Variants in RBFOX1 observed in about 807,000 individuals in gnomAD.
RBFOX1 encodes RNA binding protein fox-1 homolog 1.
RBFOX1 carries 8 observed loss-of-function variants against 57.7 expected under a neutral mutation model. That is an observed-to-expected ratio of 0.14 (90% CI 0.08 to 0.25). RBFOX1 has a LOEUF of 0.25. Ranked by LOEUF, RBFOX1 falls within the 10% of genes least tolerant of loss-of-function variation. RBFOX1 has a pLI of 1.00. For synonymous variants in RBFOX1, 326 were observed against 222.4 expected (o/e 1.47, Z -4.15); for missense variants, 611 against 548.5 (o/e 1.11, Z -1.14).
At chr16:5,245,243 C>G (rs1056302251) in intron 1 of RBFOX1, among the ~76,000 whole-genome samples, 2 of 152,112 alleles carry the variant, frequency 1.3e-5, no homozygotes, top group African/African-American at 4.8e-5. Context: ...ACTTACGGAC[C>G]TATCAGGTAC....
At chr16:6,857,110 T>C (rs1471386920) in intron 3 of RBFOX1, among the ~76,000 whole-genome samples, 1 of 152,292 alleles carries the variant, frequency 6.6e-6, no homozygotes, top group Admixed American at 6.5e-5. Flanking sequence ...TCAAAAACCC[T>C]GACACAAATC....
chr16:7,370,453 A>G (rs1025276190), intron 4 of RBFOX1, among the ~76,000 whole-genome samples: 2 of 152,178 alleles, frequency 1.3e-5, no homozygotes, highest in African/African-American at 2.4e-5. Context: ...GTATTTGTCA[A>G]TCAAAGCGAT....
intron 1 of RBFOX1, among the ~76,000 whole-genome samples, chr16:5,313,498 G>C (rs1026813168): frequency 1.3e-5 from 2 of 152,090 alleles, no homozygotes; most frequent in African/African-American, 4.8e-5. Context: ...TGACTTACAA[G>C]AAGACTGTAT....
At chr16:5,897,691 C>T (rs2058201663) in intron 4 of RBFOX1, among the ~76,000 whole-genome samples, 1 of 152,178 alleles carries the variant, frequency 6.6e-6, no homozygotes, top group African/African-American at 2.4e-5. Context: ...TGCCTGCAAG[C>T]TTCTCCAGAG....
chr16:7,025,671 C>A (rs1487610662), intron 3 of RBFOX1, among the ~76,000 whole-genome samples: 3 of 152,100 alleles, frequency 2.0e-5, no homozygotes, highest in Non-Finnish European at 2.9e-5. Context: ...ATCAGGGGTG[C>A]TGGAGAAGGC....
intron 3 of RBFOX1, among the ~76,000 whole-genome samples, chr16:5,656,205 C>G (rs2049425290): frequency 1.3e-5 from 2 of 152,062 alleles, no homozygotes; most frequent in South Asian, 4.2e-4. Flanking sequence ...TTTGGACTTC[C>G]TATAGTTTTG....
chr16:6,267,035 T>A (rs1276442488), intron 1 of RBFOX1, among the ~76,000 whole-genome samples: 1 of 152,176 alleles, frequency 6.6e-6, no homozygotes, highest in Non-Finnish European at 1.5e-5. Context: ...TTTGATGGGA[T>A]AGGTTCTAGT....
In RBFOX1 at chr16:5,995,524, G is replaced by A. The variant is rs111510273; in HGVS notation, c.351+128189G>A. 1.4e-3 allele frequency among the ~76,000 whole-genome samples: 209 copies of A among 152,310 alleles called. 1 individual carries two copies. The highest frequency in any genetic ancestry group is 5.0e-3 in the African/African-American group (206 of 41,574). ...ATGATTATTATGCCAAGTGGAATAA[G>A]GATACAGAAATGTGAGAGGGGACAA... On this transcript the variant is annotated intron_variant, in intron 4 of 19. Coordinates refer to the RBFOX1 transcript ENST00000641259.
intron 3 of RBFOX1, among the ~76,000 whole-genome samples, chr16:5,850,166 A>T (rs1458037231): frequency 1.3e-5 from 2 of 152,122 alleles, no homozygotes; most frequent in Non-Finnish European, 2.9e-5. Flanking sequence ...TTAACTGGTT[A>T]ATTGATGTTA....
intron 4 of RBFOX1, among the ~76,000 whole-genome samples, chr16:7,218,885 G>C (rs1024704394): frequency 6.6e-6 from 1 of 151,986 alleles, no homozygotes; most frequent in Admixed American, 6.6e-5. Context: ...TCGATGCATC[G>C]CATGCAGTTA....
At chr16:5,862,083 C>T (rs977992815) in intron 3 of RBFOX1, among the ~76,000 whole-genome samples, 1 of 152,212 alleles carries the variant, frequency 6.6e-6, no homozygotes, top group African/African-American at 2.4e-5. Flanking sequence ...GTGTGTCATT[C>T]ATTTCATACG....
intron 4 of RBFOX1, among the ~76,000 whole-genome samples, chr16:7,388,923 C>A (rs1467047215): frequency 6.6e-6 from 1 of 151,948 alleles, no homozygotes; most frequent in Non-Finnish European, 1.5e-5. Context: ...GGGACATAAC[C>A]ATATCATAAG....
intron 3 of RBFOX1, among the ~76,000 whole-genome samples, chr16:6,946,377 G>T (rs2079524085): frequency 6.6e-6 from 1 of 152,154 alleles, no homozygotes; most frequent in Non-Finnish European, 1.5e-5. Flanking sequence ...GGCCTATATT[G>T]CTTATCTGTG....
chr16:7,345,365 C>T (rs1351398573), intron 4 of RBFOX1, among the ~76,000 whole-genome samples: 1 of 152,132 alleles, frequency 6.6e-6, no homozygotes, highest in Non-Finnish European at 1.5e-5. Context: ...TGACATGGAC[C>T]GTCCGATGAC....
chr16:6,157,948 C>A (rs2096850135), intron 1 of RBFOX1, among the ~76,000 whole-genome samples: 1 of 152,068 alleles, frequency 6.6e-6, no homozygotes, highest in Non-Finnish European at 1.5e-5. Context: ...TATGTTGATT[C>A]CTAAACTAAT....
intron 1 of RBFOX1, among the ~76,000 whole-genome samples, chr16:6,148,159 C>G (rs2152717234): frequency 6.6e-6 from 1 of 152,302 alleles, no homozygotes; most frequent in South Asian, 2.1e-4. Flanking sequence ...TGAAACCCGT[C>G]TCTACTAAAA....
chr16:7,704,555 G>C (rs1283648881), intron 14 of RBFOX1, among the ~76,000 whole-genome samples: 1 of 152,098 alleles, frequency 6.6e-6, no homozygotes, highest in Non-Finnish European at 1.5e-5. Context: ...TTACTCCTTT[G>C]TCTTGCTGCC....
intron 1 of RBFOX1, among the ~76,000 whole-genome samples, chr16:6,287,295 C>T (rs1021247262): frequency 1.3e-5 from 2 of 152,170 alleles, no homozygotes; most frequent in Non-Finnish European, 2.9e-5. Context: ...CAAAAATAGT[C>T]ATGGTGTTGC....
At chr16:6,167,344 C>T (rs1297913609) in intron 1 of RBFOX1, among the ~76,000 whole-genome samples, 3 of 152,158 alleles carry the variant, frequency 2.0e-5, no homozygotes, top group Admixed American at 1.3e-4. Context: ...CTTTTTCTCC[C>T]AGCCTGGCTT....
Sources: gnomAD v4.1 joint callset for allele counts (sites outside exome capture counted in the v4.1 genomes callset) on GRCh38, gnomAD v4.1.1 for gene constraint, MANE v1.5 for transcripts, NCBI Gene and HGNC (gene_info 2026-07-23, HGNC 2026-07-21) for gene names.